CASD1: variants seen among roughly 807,000 people sequenced by gnomAD.
CASD1 encodes N-acetylneuraminate (7)9-O-acetyltransferase.
A neutral mutation model predicts 100.0 loss-of-function variants in CASD1; 41 were observed. That is an observed-to-expected ratio of 0.41 (90% CI 0.32 to 0.53). CASD1 has a LOEUF of 0.53. Ranked by LOEUF, CASD1 falls within the 20% of genes least tolerant of loss-of-function variation. The probability of loss-of-function intolerance (pLI) is 0.25; values close to 1 mark genes in which losing one functional copy is unlikely to be tolerated. For missense variants in CASD1, 774 were observed against 948.7 expected, an observed-to-expected ratio of 0.82 and a Z score of 2.42; for synonymous variants, 321 against 315.6, an observed-to-expected ratio of 1.02 and a Z score of -0.18.
rs1419635610 is a variant in CASD1, at chr7:94,535,412, C to T, written c.732C>T (p.Thr244=). Residue 244 remains threonine, a synonymous_variant, in exon 8 of 18, where the codon ACC becomes ACT. Transcript: ENST00000297273. ...EAAVSILNSS[T]RNSKSNVKMF... ...CAGTCAGTATTTTGAATAGTAGCAC[C>T]AGAAATTCTAAATCAAATGTTAAGA... is the stretch of plus-strand genomic sequence containing the variant. The T allele has an allele frequency of 3.7e-6, 6 of 1,613,058 alleles. No individual in the cohort carries two copies. Among genetic ancestry groups the T allele is most frequent in the Non-Finnish European group, 5.1e-6 (6 of 1,179,386 alleles).
intron 3 of CASD1, among the ~76,000 whole-genome samples, chr7:94,522,662 A>T (rs900728282): frequency 3.0e-4 from 45 of 148,200 alleles, no homozygotes; most frequent in Admixed American, 9.4e-4. Context: ...ATTTTTATTT[A>T]TTTTTTTTTT....
chr7:94,566,436 G>A, the CASD1 span, among the ~76,000 whole-genome samples: 1 of 150,958 alleles, frequency 6.6e-6, no homozygotes, highest in Non-Finnish European at 1.5e-5. Context: ...CAAAAGAAAT[G>A]CTGCAAACAA....
the CASD1 span, among the ~76,000 whole-genome samples, chr7:94,616,403 A>T: frequency 6.6e-6 from 1 of 152,324 alleles, no homozygotes; most frequent in Admixed American, 6.5e-5. Context: ...AAGCACATTT[A>T]TTAGGTGCCT....
rs1184631484 is a variant in CASD1 at position 94,518,926 on chromosome 7, ATT to A, written c.351+604_351+605del. ...TTTGTGTGAAAACTTTGCTTTTTAA[ATT>A]ATTTCCTTAGGGTGGAATCTCTAAA... On this transcript the variant is annotated intron_variant, in intron 3 of 17. Coordinates refer to ENST00000297273, the MANE Select transcript of CASD1 (RefSeq NM_022900.5). Among the ~76,000 whole-genome samples the A allele has an allele frequency of 2.6e-5, 4 of 152,208 alleles. No individual in the cohort carries two copies. The East Asian group carries it at 7.7e-4, about 29-fold the overall frequency.
At chr7:94,628,342 G>A in the CASD1 span, 2 of 1,609,712 alleles carry the variant, frequency 1.2e-6, no homozygotes, top group East Asian at 2.2e-5. Flanking sequence ...AATGTTATGG[G>A]ATCATTACTA....
rs1793608661 is a variant in CASD1 at position 94,510,043 on chromosome 7, C to T, written c.-42C>T. ...CCAGTGCTGCCCCTGTGCGGCGCCC[C>T]TTTCCCGCTCCGCCGCGCACTGTTG... On this transcript the variant is annotated 5_prime_UTR_variant, in exon 1 of 18. Coordinates refer to ENST00000297273, the MANE Select transcript of CASD1 (RefSeq NM_022900.5). 1.4e-6 allele frequency: 2 copies of T among 1,471,372 alleles called. No individual in the cohort carries two copies. Among genetic ancestry groups the T allele is most frequent in the Admixed American group, 2.2e-5 (1 of 44,562 alleles). The allele number at this position is 1,471,372 out of a possible 1,614,324, so 91.1% of individuals were successfully genotyped here.
At chr7:94,628,358 G>A in the CASD1 span, 55 of 1,604,808 alleles carry the variant, frequency 3.4e-5, no homozygotes, top group South Asian at 9.9e-5. Flanking sequence ...TACTAATCTC[G>A]CCTAGATAAG....
Position 94,555,983 on chromosome 7 carries a change from T to C in CASD1, c.*225T>C, listed in dbSNP as rs1562952539. 7.2e-6 allele frequency: 3 copies of C among 414,622 alleles called. No individual in the cohort carries two copies. Among genetic ancestry groups the C allele is most frequent in the East Asian group, 7.5e-5 (2 of 26,576 alleles). The allele number at this position is 414,622 out of a possible 1,614,324, so 25.7% of individuals were successfully genotyped here. A position where few individuals can be genotyped will look rare whatever the true frequency, so the allele number is the denominator to read the frequency against. ...CAAACAAACAAAAAACCAGAATGCA[T>C]TGTATAGGATTGCATGTGAAGTCTT... On this transcript the variant is annotated 3_prime_UTR_variant, in exon 18 of 18. Coordinates refer to ENST00000297273, the MANE Select transcript of CASD1 (RefSeq NM_022900.5).
Position 94,537,477 on chromosome 7 carries a change from A to C in CASD1, c.849A>C (p.Ala283=). ...HLPESSRETT[A]MILMNVYCNK... The stretch of plus-strand genomic sequence containing the variant: ...ATAACTTGATTTGTTCACAGACTGC[A>C]ATGATTCTTATGAATGTGTATTGCA... Residue 283 remains alanine, a synonymous_variant, in exon 9 of 18, where the codon GCA becomes GCC. Transcript: ENST00000297273. 1 of 1,601,658 alleles carries C rather than the reference A, an allele frequency of 6.2e-7. No homozygotes were observed. Among genetic ancestry groups the C allele is most frequent in the Non-Finnish European group, 8.5e-7 (1 of 1,175,044 alleles).
intron 3 of CASD1, among the ~76,000 whole-genome samples, chr7:94,521,239 T>C (rs980987320): frequency 6.6e-6 from 1 of 152,104 alleles, no homozygotes; most frequent in African/African-American, 2.4e-5. Context: ...TACTACAAAA[T>C]AGACTTAACA....
intron 3 of CASD1, among the ~76,000 whole-genome samples, chr7:94,522,689 G>T (rs899694216): frequency 1.3e-5 from 2 of 149,362 alleles, no homozygotes. Context: ...CGGAGTTCTC[G>T]CTCTGTTGCC....
chr7:94,611,684 AAAATG>A, the CASD1 span, among the ~76,000 whole-genome samples: 9 of 152,176 alleles, frequency 5.9e-5, no homozygotes, highest in South Asian at 2.1e-4. Context: ...TTATTTTTTT[AAAATG>A]AAATGAAATA....
intron 11 of CASD1, 30 bp downstream of exon 11, chr7:94,544,560 C>G: frequency 6.3e-7 from 1 of 1,593,030 alleles, no homozygotes; most frequent in Non-Finnish European, 8.5e-7. Context: ...TCCTTTTCTT[C>G]CAGTTGAACA....
the CASD1 span, among the ~76,000 whole-genome samples, chr7:94,578,011 A>C: frequency 6.6e-6 from 1 of 152,182 alleles, no homozygotes; most frequent in South Asian, 2.1e-4. Context: ...AGAGAGGGAA[A>C]GATGAGAATA....
chr7:94,609,038 C>A, the CASD1 span, among the ~76,000 whole-genome samples: 1 of 152,088 alleles, frequency 6.6e-6, no homozygotes, highest in Non-Finnish European at 1.5e-5. Flanking sequence ...ACCAAAGGCA[C>A]AATCCATGAA....
intron 9 of CASD1, among the ~76,000 whole-genome samples, chr7:94,538,276 CACAA>C (rs1338353398): frequency 3.3e-5 from 5 of 152,160 alleles, no homozygotes; most frequent in Admixed American, 6.5e-5. Context: ...TGCCTATGCA[CACAA>C]ACATATTTTA....
At chr7:94,581,289 T>TA in the CASD1 span, among the ~76,000 whole-genome samples, 5 of 152,238 alleles carry the variant, frequency 3.3e-5, no homozygotes, top group South Asian at 1.0e-3. Context: ...CCAGTTTTAA[T>TA]ACACTGTCCA....
intron 12 of CASD1, among the ~76,000 whole-genome samples, chr7:94,546,604 A>C (rs1795694833): frequency 6.6e-6 from 1 of 151,948 alleles, no homozygotes; most frequent in Admixed American, 6.6e-5. Context: ...ATAAACTATC[A>C]ATAAACTTTT....
the CASD1 span, among the ~76,000 whole-genome samples, chr7:94,608,653 C>A: frequency 6.6e-6 from 1 of 152,190 alleles, no homozygotes; most frequent in Admixed American, 6.5e-5. Flanking sequence ...TGAGGACTGA[C>A]ACTACCCAAC....
Sources: gnomAD v4.1 joint callset for allele counts (sites outside exome capture counted in the v4.1 genomes callset) on GRCh38, gnomAD v4.1.1 for gene constraint, MANE v1.5 for transcripts, NCBI Gene and HGNC (gene_info 2026-07-23, HGNC 2026-07-21) for gene names.